The following CSMD3 variants were observed in gnomAD, a reference collection of about 807,000 sequenced individuals.
The protein encoded by CSMD3 is CUB and Sushi multiple domains 3, also known as CUB and sushi domain-containing protein 3.
A neutral mutation model predicts 435.2 loss-of-function variants in CSMD3; 177 were observed. The ratio of observed to expected loss-of-function variants is 0.41; its 90% CI spans 0.36 to 0.46. The LOEUF is 0.46. Among genes scored for constraint, CSMD3 ranks in the 20% least tolerant of loss-of-function variants. The probability of loss-of-function intolerance (pLI) is 0.34; values close to 1 mark genes in which losing one functional copy is unlikely to be tolerated. For synonymous variants in CSMD3, 1,656 were observed against 1,520.5 expected (o/e 1.09, Z -2.07); for missense variants, 4,265 against 4,504.6 (o/e 0.95, Z 1.52).
rs758224548 is a variant in CSMD3 at position 112,880,087 on chromosome 8, CA to C, written c.1634-20822del. Among the ~76,000 whole-genome samples, 66 of 151,922 alleles carry C rather than the reference CA, an allele frequency of 4.3e-4. 1 individual carries two copies. Among genetic ancestry groups the C allele is most frequent in the Non-Finnish European group, 6.9e-4 (47 of 67,922 alleles). On this transcript the variant is annotated intron_variant, in intron 10 of 70. Coordinates refer to ENST00000297405, the MANE Select transcript of CSMD3 (RefSeq NM_198123.2). ...AGTATAATAAAAAAATTAAATATAC[CA>C]AAATATAATTTTAAAAAGGCTTAAG...
chr8:112,612,709 CTTTTTTT>C (rs532290154), intron 22 of CSMD3, among the ~76,000 whole-genome samples: 1,307 of 65,852 alleles, frequency 0.02, 12 homozygotes, highest in Middle Eastern at 0.06. Flanking sequence ...TTTCTTTGTT[CTTTTTTT>C]TTTTTTTTTT....
At chr8:112,712,434 C>T (rs979018135) in intron 13 of CSMD3, among the ~76,000 whole-genome samples, 13 of 152,138 alleles carry the variant, frequency 8.5e-5, no homozygotes, top group African/African-American at 3.1e-4. Flanking sequence ...ACTCCTGTTC[C>T]TTTTTAAAAT....
chr8:113,189,061 A>G (rs2092548812), intron 3 of CSMD3, among the ~76,000 whole-genome samples: 1 of 151,850 alleles, frequency 6.6e-6, no homozygotes, highest in Non-Finnish European at 1.5e-5. Context: ...CATTCAAACC[A>G]CATTACATTT....
chr8:112,594,739 C>A (rs1185031947), intron 22 of CSMD3, among the ~76,000 whole-genome samples: 1 of 152,138 alleles, frequency 6.6e-6, no homozygotes, highest in Non-Finnish European at 1.5e-5. Context: ...TGGGAGGCAC[C>A]CCCCAGTAGG....
intron 47 of CSMD3, 141 bp downstream of exon 47, chr8:112,318,696 C>T: frequency 1.6e-6 from 1 of 636,408 alleles, no homozygotes. Flanking sequence ...AATGAAATAG[C>T]ACATATGAGT....
intron 7 of CSMD3, among the ~76,000 whole-genome samples, chr8:112,961,156 T>C (rs1249894512): frequency 6.6e-6 from 1 of 151,818 alleles, no homozygotes; most frequent in Non-Finnish European, 1.5e-5. Flanking sequence ...TTACCATTTA[T>C]AATATTAAGG....
intron 38 of CSMD3, among the ~76,000 whole-genome samples, chr8:112,375,225 C>T (rs1828830920): frequency 6.6e-6 from 1 of 152,074 alleles, no homozygotes; most frequent in African/African-American, 2.4e-5. Flanking sequence ...GTCACAAATA[C>T]ACTACAGGGA....
At chr8:113,191,895 C>T (rs749448639) in intron 3 of CSMD3, among the ~76,000 whole-genome samples, 5 of 151,846 alleles carry the variant, frequency 3.3e-5, no homozygotes, top group Non-Finnish European at 5.9e-5. Context: ...TTTTTCTCCA[C>T]AGCCTTGCCA....
chr8:112,470,346 A>C (rs1818397463), intron 32 of CSMD3, among the ~76,000 whole-genome samples: 1 of 152,162 alleles, frequency 6.6e-6, no homozygotes, highest in Non-Finnish European at 1.5e-5. Context: ...ATGAATGTGA[A>C]CATAAAGAAG....
intron 13 of CSMD3, among the ~76,000 whole-genome samples, chr8:112,714,849 A>C (rs1364202446): frequency 6.6e-6 from 1 of 152,200 alleles, no homozygotes; most frequent in African/African-American, 2.4e-5. Flanking sequence ...AAATTAAGGC[A>C]GAAATCAAGA....
In CSMD3 at chr8:112,791,710, A is replaced by T. The variant is rs149566160; in HGVS notation, c.1972+8452T>A. Among the ~76,000 whole-genome samples the T allele has an allele frequency of 1.0e-3, 158 of 152,240 alleles. 2 individuals are homozygous for T. The highest frequency in any genetic ancestry group is 3.8e-3 in the African/African-American group (156 of 41,558). ...TATGTATATTCTCATACAAGTCTTT[A>T]TATGGACAATTGATTTCATTTCTCT... On this transcript the variant is annotated intron_variant, in intron 13 of 70. Coordinates refer to ENST00000297405, the MANE Select transcript of CSMD3 (RefSeq NM_198123.2).
At chr8:112,924,667 A>T (rs2082856594) in intron 9 of CSMD3, among the ~76,000 whole-genome samples, 1 of 151,872 alleles carries the variant, frequency 6.6e-6, no homozygotes, top group African/African-American at 2.4e-5. Context: ...TATACTAAAG[A>T]TTACCAGTAA....
At chr8:112,272,587 T>C (rs1409273733) in intron 59 of CSMD3, among the ~76,000 whole-genome samples, 2 of 152,126 alleles carry the variant, frequency 1.3e-5, no homozygotes, top group South Asian at 2.1e-4. Flanking sequence ...TATTGTTTAG[T>C]GTTGAGCTCT....
At chr8:112,669,438 C>T (rs981866686) in intron 16 of CSMD3, among the ~76,000 whole-genome samples, 1 of 152,112 alleles carries the variant, frequency 6.6e-6, no homozygotes, top group East Asian at 1.9e-4. Flanking sequence ...AACAATGTTG[C>T]CATATCCATA....
chr8:112,791,709 T>C (rs959981035), intron 13 of CSMD3, among the ~76,000 whole-genome samples: 4 of 152,146 alleles, frequency 2.6e-5, no homozygotes, highest in Non-Finnish European at 4.4e-5. Context: ...TACAAGTCTT[T>C]ATATGGACAA....
chr8:112,608,009 C>T (rs1832934004), intron 22 of CSMD3, among the ~76,000 whole-genome samples: 1 of 151,998 alleles, frequency 6.6e-6, no homozygotes, highest in Admixed American at 6.6e-5. Flanking sequence ...AAGAAGAAGG[C>T]AATTGTCTCT....
At chr8:112,842,522 T>C (rs2080208334) in intron 11 of CSMD3, among the ~76,000 whole-genome samples, 1 of 144,816 alleles carries the variant, frequency 6.9e-6, no homozygotes, top group Non-Finnish European at 1.5e-5. Flanking sequence ...GTAGTTACAA[T>C]AGTAATATTA....
intron 5 of CSMD3, among the ~76,000 whole-genome samples, chr8:113,033,519 T>C (rs1268152181): frequency 1.3e-5 from 2 of 151,618 alleles, no homozygotes; most frequent in African/African-American, 4.8e-5. Context: ...TGGGAACATT[T>C]ACCCAATGCT....
chr8:113,402,623 A>G (rs2094515391), intron 1 of CSMD3, among the ~76,000 whole-genome samples: 1 of 151,306 alleles, frequency 6.6e-6, no homozygotes, highest in Non-Finnish European at 1.5e-5. Context: ...CATCATGATT[A>G]TTATTCTCAA....
Sources: allele counts gnomAD v4.1 joint callset (sites outside exome capture counted in the v4.1 genomes callset), GRCh38; gene constraint gnomAD v4.1.1; transcripts MANE v1.5; gene names NCBI Gene and HGNC (gene_info 2026-07-23, HGNC 2026-07-21).